Variants in A1BG observed in about 807,000 individuals in gnomAD.
A1BG encodes alpha-1B-glycoprotein.
In A1BG, 44 loss-of-function variants were observed where a neutral mutation model predicts 46.0. The ratio of observed to expected loss-of-function variants is 0.96; its 90% CI spans 0.75 to 1.23. The LOEUF (loss-of-function observed/expected upper bound fraction) is 1.23. A1BG is among the 50% of genes most tolerant of loss of function. A1BG has a pLI of 0.00. For missense variants in A1BG, 707 were observed against 688.8 expected (o/e 1.03, Z -0.30); for synonymous variants, 316 against 314.7 (o/e 1.00, Z -0.04).
At chr19:58,352,189 G>A (rs1321554587) in intron 4 of A1BG, 94 bp downstream of exon 4, 1 of 1,544,902 alleles carries the variant, frequency 6.5e-7, no homozygotes, top group Non-Finnish European at 8.7e-7. Flanking sequence ...CTGGTCCTGG[G>A]CAAGGACATT....
In A1BG at chr19:58,352,378, G is replaced by A; in HGVS notation, c.518C>T (p.Pro173Leu). Residue 173 changes from proline (P) to leucine (L), a missense_variant, in exon 4 of 8, where the codon CCA becomes CTA. Physicochemically the swap from Pro to Leu is moderately conservative, Grantham distance 98. Coordinates refer to ENST00000263100, the MANE Select transcript of A1BG (RefSeq NM_130786.4). ...GCTGTAGTTGCCAGGCTGATGGACTGGAAAGGTGGCCTCCACATCCTCCTG... is the reference window on the plus strand; with the variant it reads ...GCTGTAGTTGCCAGGCTGATGGACTAGAAAGGTGGCCTCCACATCCTCCTG... ...EAQEDVEATF[P>L]VHQPGNYSCS... 1 of 1,614,006 alleles carries A rather than the reference G, an allele frequency of 6.2e-7. No homozygotes were observed. The highest frequency in any genetic ancestry group is 8.5e-7 in the Non-Finnish European group (1 of 1,180,016).
At chr19:58,350,952 T>C (rs937479721) in intron 5 of A1BG, 4 of 426,844 alleles carry the variant, frequency 9.4e-6, no homozygotes, top group Admixed American at 4.0e-5. Flanking sequence ...AGTAGTGGAT[T>C]TGCTCCACGA....
In A1BG at chr19:58,345,849, T is replaced by C. The variant is rs1159846808; in HGVS notation, c.*1173A>G. ...TAAACCAGATCACTAGCAAATTCGT[T>C]GAAAAACACAATTCATCAACTATTG... On this transcript the variant is annotated 3_prime_UTR_variant, in exon 8 of 8. Transcript: ENST00000263100. The C allele has an allele frequency of 1.3e-5, 2 of 152,226 alleles. No homozygotes were observed. Among genetic ancestry groups the C allele is most frequent in the Non-Finnish European group, 2.9e-5 (2 of 68,054 alleles). The allele number at this position is 152,226 out of a possible 1,614,324, so 9.4% of individuals were successfully genotyped here.
intron 4 of A1BG, 143 bp downstream of exon 4, chr19:58,352,140 C>T: frequency 2.0e-6 from 3 of 1,494,646 alleles, no homozygotes; most frequent in Non-Finnish European, 2.6e-6. Flanking sequence ...TCCTTTGCAA[C>T]CATCAGACCC....
chr19:58,352,129 C>T (rs1273934784), intron 4 of A1BG, 154 bp downstream of exon 4: 22 of 1,481,380 alleles, frequency 1.5e-5, no homozygotes, highest in Non-Finnish European at 1.8e-5. Context: ...TCTGCCCAAA[C>T]TCCTTTGCAA....
rs1292056353 is a variant in A1BG at position 58,351,429 on chromosome 19, G to C, written c.872C>G (p.Ser291Cys). 1 of 1,613,122 alleles carries C rather than the reference G, an allele frequency of 6.2e-7. No individual in the cohort carries two copies. The highest frequency in any genetic ancestry group is 8.5e-7 in the Non-Finnish European group (1 of 1,180,014). The change falls in exon 5 of 8, where the codon TCC (serine) becomes TGC (cysteine). Residue 291 changes from serine to cysteine, a missense_variant. Physicochemically the swap from Ser to Cys is moderately radical, Grantham distance 112. Transcript: ENST00000263100. Reference sequence around the variant, plus strand: ...CAGCTCGACCGGCGCGCTGTCCCCGGACCAGCCGTTTTGGTTGTCATGCAG... The same window carrying C: ...CAGCTCGACCGGCGCGCTGTCCCCGCACCAGCCGTTTTGGTTGTCATGCAG... ...YRLHDNQNGW[S>C]GDSAPVELIL...
chr19:58,347,691 C>CCAGGCCGCGCCCAGGCCACGCCT, intron 6 of A1BG, 51 bp from the exon 7 acceptor site: 1 of 896,612 alleles, frequency 1.1e-6, no homozygotes, highest in Non-Finnish European at 1.5e-6. Flanking sequence ...AGGCCACGCC[C>CCAGGCCGCGCCCAGGCCACGCCT]CAGGCCACAC....
chr19:58,351,148 T>C, intron 5 of A1BG: 2 of 591,284 alleles, frequency 3.4e-6, no homozygotes, highest in Non-Finnish European at 6.0e-6. Context: ...GGATGGGACC[T>C]GCCAGGTGGT....
At position 58,345,489 on chromosome 19, in the gene A1BG, G is replaced by C. The variant is rs908066526; in HGVS notation, c.*1533C>G. 6.6e-6 allele frequency: 1 copy of C among 152,166 alleles called. No individual in the cohort carries two copies. Among genetic ancestry groups the C allele is most frequent in the Non-Finnish European group, 1.5e-5 (1 of 68,062 alleles). 9.4% of individuals were successfully genotyped at this position (152,166 alleles called of 1,614,324 possible). ...GACCAGCCTGGCCACCCAACAAGGT[G>C]AAACCCCATCTCTACTAAAAACATA... On this transcript the variant is annotated 3_prime_UTR_variant, in exon 8 of 8. Transcript: ENST00000263100.
chr19:58,347,689 C>CCCCAGGCCTCG (rs67397428), intron 6 of A1BG, 49 bp from the exon 7 acceptor site: 8 of 431,630 alleles, frequency 1.9e-5, no homozygotes, highest in East Asian at 5.0e-5. Flanking sequence ...CCAGGCCACG[C>CCCCAGGCCTCG]CCCAGGCCAC....
At chr19:58,352,214 G>T in intron 4 of A1BG, 69 bp downstream of exon 4, 1 of 1,574,980 alleles carries the variant, frequency 6.3e-7, no homozygotes. Context: ...ATGGAGGTCA[G>T]GATGAATGTG....
intron 7 of A1BG, 121 bp from the exon 8 acceptor site, chr19:58,347,150 G>A: frequency 1.4e-6 from 2 of 1,398,328 alleles, no homozygotes; most frequent in Non-Finnish European, 2.0e-6. Context: ...TCGGCTGCCA[G>A]CCGAGACCCC....
chr19:58,346,893 G>A lies in A1BG; in HGVS notation c.*129C>T. 1.0e-6 allele frequency: 1 copy of A among 956,190 alleles called. No individual in the cohort carries two copies. The highest frequency in any genetic ancestry group is 2.4e-5 in the East Asian group (1 of 41,882). 59.2% of individuals were successfully genotyped at this position (956,190 alleles called of 1,614,324 possible). A position where few individuals can be genotyped will look rare whatever the true frequency, so the allele number is the denominator to read the frequency against. On this transcript the variant is annotated 3_prime_UTR_variant, in exon 8 of 8. Coordinates refer to ENST00000263100, the MANE Select transcript of A1BG (RefSeq NM_130786.4). ...TCTCTTCACATTTATTAATTCCTGG[G>A]AGGAATGAGGGAGGCTTCTCCAGCC...
At position 58,352,757 on chromosome 19, in the gene A1BG, C is replaced by A; in HGVS notation, c.340+171G>T. 2.5e-6 allele frequency: 3 copies of A among 1,192,414 alleles called. No individual in the cohort carries two copies. The South Asian group carries it at 4.4e-5, about 17-fold the overall frequency. 73.9% of individuals were successfully genotyped at this position (1,192,414 alleles called of 1,614,324 possible). ...GTGGGAGCTGTACGGCATGCCGGGCCTGCTGGGGACACAACCATGTATTCC... is the reference window on the plus strand; with the variant it reads ...GTGGGAGCTGTACGGCATGCCGGGCATGCTGGGGACACAACCATGTATTCC... On this transcript the variant is annotated intron_variant, in intron 3 of 7. Coordinates refer to ENST00000263100, the MANE Select transcript of A1BG (RefSeq NM_130786.4).
chr19:58,350,204 C>A lies in A1BG; in HGVS notation c.1192+166G>T, dbSNP rs117429395. On this transcript the variant is annotated intron_variant, in intron 6 of 7. Transcript: ENST00000263100. ...AAATAAGCCGAAATTCCAGGCGTCC[C>A]CAGACCCTCGACCACCGATCGCCTG... is the stretch of plus-strand genomic sequence containing the variant. The A allele has an allele frequency of 5.8e-3, 5,366 of 925,734 alleles. 161 individuals are homozygous for A. In the East Asian group the frequency reaches 0.081, roughly 14 times the overall value. The allele number at this position is 925,734 out of a possible 1,614,324, so 57.3% of individuals were successfully genotyped here.
chr19:58,347,127 A>G (rs1321301598), intron 7 of A1BG, 98 bp from the exon 8 acceptor site: 4 of 1,502,202 alleles, frequency 2.7e-6, no homozygotes, highest in African/African-American at 1.4e-5. Flanking sequence ...CCCCCCCGGA[A>G]GGAAGCGCGT....
rs1600501730 is a variant in A1BG at position 58,346,921 on chromosome 19, C to T, written c.*101G>A. The T allele has an allele frequency of 1.5e-6, 2 of 1,297,398 alleles. No homozygotes were observed. The highest frequency in any genetic ancestry group is 4.6e-5 in the East Asian group (2 of 43,434). 80.4% of individuals were successfully genotyped at this position (1,297,398 alleles called of 1,614,324 possible). On this transcript the variant is annotated 3_prime_UTR_variant, in exon 8 of 8. Transcript: ENST00000263100. ...GAATGAGGGAGGCTTCTCCAGCCCCCCAGAGACCCCGGCCTTGTGCTGCAA... is the reference window on the plus strand; with the variant it reads ...GAATGAGGGAGGCTTCTCCAGCCCCTCAGAGACCCCGGCCTTGTGCTGCAA...
At chr19:58,350,955 C>T (rs2051952709) in intron 5 of A1BG, 2 of 428,430 alleles carry the variant, frequency 4.7e-6, no homozygotes, top group East Asian at 7.5e-5. Context: ...AGTGGATTTG[C>T]TCCACGAGCG....
At chr19:58,350,338 C>A in intron 6 of A1BG, 32 bp downstream of exon 6, 1 of 1,520,448 alleles carries the variant, frequency 6.6e-7, no homozygotes, top group South Asian at 1.2e-5. Flanking sequence ...ACTGAACCCG[C>A]GCCCGCCCTC....
Sources: gnomAD v4.1 joint callset for allele counts on GRCh38, gnomAD v4.1.1 for gene constraint, MANE v1.5 for transcripts, NCBI Gene and HGNC (gene_info 2026-07-23, HGNC 2026-07-21) for gene names.